Variants in NFIA observed in about 807,000 individuals in gnomAD.
The protein encoded by NFIA is nuclear factor I A, also known as nuclear factor 1 A-type.
In NFIA, 8 loss-of-function variants were observed where a neutral mutation model predicts 62.8. The observed-to-expected ratio is 0.13, with a 90% CI of 0.07 to 0.23. The LOEUF (loss-of-function observed/expected upper bound fraction) is 0.23. Among genes scored for constraint, NFIA ranks in the 10% least tolerant of loss-of-function variants. NFIA has a pLI of 1.00. For synonymous variants in NFIA, 235 were observed against 238.1 expected, an observed-to-expected ratio of 0.99 and a Z score of 0.12; for missense variants, 410 against 642.1, an observed-to-expected ratio of 0.64 and a Z score of 3.91.
chr1:61,240,852 A>T (rs1655307901), intron 2 of NFIA, among the ~76,000 whole-genome samples: 1 of 152,130 alleles, frequency 6.6e-6, no homozygotes, highest in Non-Finnish European at 1.5e-5. Context: ...TTGAGTTAGA[A>T]ATGTTGAAAC....
chr1:61,346,764 A>G (rs1388884907), intron 4 of NFIA, among the ~76,000 whole-genome samples: 3 of 152,188 alleles, frequency 2.0e-5, no homozygotes, highest in Non-Finnish European at 1.5e-5. Context: ...TCATGCTGCT[A>G]TGAAGAAATA....
At chr1:61,206,411 G>A (rs1160038251) in intron 2 of NFIA, among the ~76,000 whole-genome samples, 2 of 152,096 alleles carry the variant, frequency 1.3e-5, no homozygotes, top group South Asian at 2.1e-4. Flanking sequence ...TACTACCTTG[G>A]CTGCTAACAA....
intron 2 of NFIA, among the ~76,000 whole-genome samples, chr1:61,210,351 A>G (rs1028721149): frequency 1.3e-5 from 2 of 152,222 alleles, no homozygotes; most frequent in Non-Finnish European, 2.9e-5. Context: ...CAGAAAAATT[A>G]AAAAAACACA....
chr1:61,169,702 C>A (rs938209268), intron 2 of NFIA, among the ~76,000 whole-genome samples: 3 of 152,142 alleles, frequency 2.0e-5, no homozygotes, highest in Non-Finnish European at 4.4e-5. Flanking sequence ...AAAACATGGC[C>A]CATGATGTCA....
At chr1:61,417,412 C>G (rs760531901) in intron 9 of NFIA, among the ~76,000 whole-genome samples, 11 of 149,970 alleles carry the variant, frequency 7.3e-5, no homozygotes, top group Non-Finnish European at 1.6e-4. Flanking sequence ...TAATTTTTAC[C>G]TATATTCTTA....
At chr1:61,217,941 G>A (rs1393761358) in intron 2 of NFIA, among the ~76,000 whole-genome samples, 1 of 152,186 alleles carries the variant, frequency 6.6e-6, no homozygotes, top group East Asian at 1.9e-4. Flanking sequence ...CTGTTTTGAA[G>A]AAGAAATGAG....
At chr1:61,185,288 A>C (rs938424651) in intron 2 of NFIA, among the ~76,000 whole-genome samples, 1 of 152,218 alleles carries the variant, frequency 6.6e-6, no homozygotes, top group Admixed American at 6.5e-5. Context: ...GCCCTAAAGA[A>C]ATTGAATTTG....
intron 2 of NFIA, among the ~76,000 whole-genome samples, chr1:61,104,658 G>C (rs1646565945): frequency 6.6e-6 from 1 of 151,934 alleles, no homozygotes; most frequent in African/African-American, 2.4e-5. Context: ...TTCTACTGCA[G>C]ACTTTCCCAT....
At chr1:61,265,028 T>C (rs1657070510) in intron 2 of NFIA, among the ~76,000 whole-genome samples, 1 of 152,194 alleles carries the variant, frequency 6.6e-6, no homozygotes, top group African/African-American at 2.4e-5. Context: ...GTTTTAGTTA[T>C]CTAGGTTTGT....
chr1:61,181,844 AAAAG>A (rs1412513929), intron 2 of NFIA, among the ~76,000 whole-genome samples: 1 of 151,856 alleles, frequency 6.6e-6, no homozygotes, highest in African/African-American at 2.4e-5. Context: ...ATAAACAAAT[AAAAG>A]TGGTAAATGT....
rs761830988 is a variant in NFIA, at chr1:61,163,577, A to G, written c.559+74897A>G. On this transcript the variant is annotated intron_variant, in intron 2 of 10. Coordinates refer to ENST00000403491, the MANE Select transcript of NFIA (RefSeq NM_001134673.4). ...TGTTTTTAGACCTAACTAGTATTGC[A>G]TCATTCTTTGGTGACCTGGTGGTGT... Among the ~76,000 whole-genome samples, 6 of 152,244 alleles carry G rather than the reference A, an allele frequency of 3.9e-5. No individual in the cohort carries two copies. In the East Asian group the frequency reaches 7.7e-4, roughly 20 times the overall value.
At chr1:61,263,843 A>T (rs1293393256) in intron 2 of NFIA, among the ~76,000 whole-genome samples, 1 of 152,296 alleles carries the variant, frequency 6.6e-6, no homozygotes, top group East Asian at 1.9e-4. Flanking sequence ...TACAAAAATT[A>T]GCTGGGCATG....
intron 2 of NFIA, among the ~76,000 whole-genome samples, chr1:61,269,785 T>C (rs1657397545): frequency 6.6e-6 from 1 of 152,220 alleles, no homozygotes; most frequent in Admixed American, 6.5e-5. Context: ...TAGTTCTCTG[T>C]CTCTAGTCTA....
chr1:61,276,810 A>G (rs1255430981), intron 2 of NFIA, among the ~76,000 whole-genome samples: 1 of 152,244 alleles, frequency 6.6e-6, no homozygotes, highest in East Asian at 1.9e-4. Context: ...ATATGATTAT[A>G]TTTTTTAAAT....
At chr1:61,361,893 A>G (rs59786948) in intron 6 of NFIA, among the ~76,000 whole-genome samples, 6,236 of 150,456 alleles carry the variant, frequency 0.041, 446 homozygotes, top group African/African-American at 0.14. Flanking sequence ...TCCATTCTCT[A>G]TCCCCATTTC....
chr1:61,293,589 G>A (rs188089785), intron 3 of NFIA, among the ~76,000 whole-genome samples: 33 of 152,294 alleles, frequency 2.2e-4, no homozygotes, highest in African/African-American at 7.7e-4. Flanking sequence ...AATGAGAGAT[G>A]GAGATGAAAT....
intron 2 of NFIA, among the ~76,000 whole-genome samples, chr1:61,164,251 C>T (rs1649415370): frequency 6.6e-6 from 1 of 151,924 alleles, no homozygotes; most frequent in Admixed American, 6.6e-5. Flanking sequence ...TTTATGGTTG[C>T]CATATGTATG....
At chr1:61,186,404 G>C (rs1187477925) in intron 2 of NFIA, among the ~76,000 whole-genome samples, 1 of 152,180 alleles carries the variant, frequency 6.6e-6, no homozygotes, top group African/African-American at 2.4e-5. Context: ...TATTTTTGCT[G>C]CCACTGCTAT....
chr1:61,175,438 G>T (rs1650274763), intron 2 of NFIA, among the ~76,000 whole-genome samples: 1 of 152,128 alleles, frequency 6.6e-6, no homozygotes, highest in Non-Finnish European at 1.5e-5. Context: ...CACAGCGCCT[G>T]GCCCTTATCA....
Sources: gnomAD v4.1 joint callset for allele counts (sites outside exome capture counted in the v4.1 genomes callset) on GRCh38, gnomAD v4.1.1 for gene constraint, MANE v1.5 for transcripts, NCBI Gene and HGNC (gene_info 2026-07-23, HGNC 2026-07-21) for gene names.